Variants in RALYL observed in about 807,000 individuals in gnomAD.
RALYL encodes RNA-binding Raly-like protein.
A neutral mutation model predicts 35.1 loss-of-function variants in RALYL; 29 were observed. The ratio of observed to expected loss-of-function variants is 0.83; its 90% confidence interval spans 0.61 to 1.13. RALYL has a LOEUF of 1.13. Ranked by LOEUF, RALYL falls within the 50% of genes most tolerant of loss-of-function variation. RALYL has a pLI of 0.00. For missense variants in RALYL, 359 were observed against 360.4 expected, an observed-to-expected ratio of 1.00 and a Z score of 0.03; for synonymous variants, 120 against 127.6, an observed-to-expected ratio of 0.94 and a Z score of 0.40.
At chr8:84,651,493 C>T (rs78115696) in intron 2 of RALYL, among the ~76,000 whole-genome samples, 2,169 of 151,912 alleles carry the variant, frequency 0.014, 59 homozygotes, top group African/African-American at 0.048. Flanking sequence ...ACTTCAACCT[C>T]CAGGTTTTGG....
chr8:84,390,504 T>C (rs193232162), intron 1 of RALYL, among the ~76,000 whole-genome samples: 5 of 152,118 alleles, frequency 3.3e-5, no homozygotes, highest in Non-Finnish European at 7.4e-5. Flanking sequence ...GTATTGATTA[T>C]TGCCACAATT....
intron 2 of RALYL, among the ~76,000 whole-genome samples, chr8:84,746,092 T>C (rs1488708): frequency 0.38 from 57,022 of 151,938 alleles, 13,180 homozygotes; most frequent in South Asian, 0.57. Flanking sequence ...ACACTGGATA[T>C]CAAAATTTAA....
At chr8:84,633,523 T>C (rs1194245293) in intron 2 of RALYL, among the ~76,000 whole-genome samples, 8 of 151,896 alleles carry the variant, frequency 5.3e-5, no homozygotes, top group Non-Finnish European at 2.9e-5. Context: ...CGCATAAACA[T>C]TCCTTTTGGT....
chr8:84,702,083 G>T (rs1031220480), intron 2 of RALYL, among the ~76,000 whole-genome samples: 5 of 152,030 alleles, frequency 3.3e-5, no homozygotes, highest in Non-Finnish European at 5.9e-5. Flanking sequence ...ATAACAATAC[G>T]TACATCATAG....
At chr8:84,369,814 C>A (rs1254753053) in intron 1 of RALYL, among the ~76,000 whole-genome samples, 1 of 152,038 alleles carries the variant, frequency 6.6e-6, no homozygotes. Context: ...CTATAGCAAA[C>A]CATTAAAAAT....
intron 2 of RALYL, among the ~76,000 whole-genome samples, chr8:84,556,769 C>CT (rs558371786): frequency 3.3e-4 from 50 of 151,944 alleles, no homozygotes; most frequent in Middle Eastern, 3.4e-3. Context: ...TGTTTCTACT[C>CT]TTTTTTTTGA....
chr8:84,343,287 T>C (rs1281719592), intron 1 of RALYL, among the ~76,000 whole-genome samples: 1 of 152,104 alleles, frequency 6.6e-6, no homozygotes, highest in Non-Finnish European at 1.5e-5. Context: ...TTGCAGACCT[T>C]CAGAAATGCA....
intron 1 of RALYL, among the ~76,000 whole-genome samples, chr8:84,332,227 G>A (rs1303781430): frequency 1.3e-5 from 2 of 152,098 alleles, no homozygotes; most frequent in African/African-American, 4.8e-5. Context: ...AGTGTCATCT[G>A]ACTCTTCTTT....
At chr8:84,194,006 G>A (rs1814611940) in intron 1 of RALYL, among the ~76,000 whole-genome samples, 1 of 152,170 alleles carries the variant, frequency 6.6e-6, no homozygotes, top group Non-Finnish European at 1.5e-5. Flanking sequence ...AAAATGAATA[G>A]CAGACTCACT....
intron 2 of RALYL, among the ~76,000 whole-genome samples, chr8:84,618,382 G>T (rs1820377972): frequency 6.6e-6 from 1 of 151,634 alleles, no homozygotes; most frequent in Non-Finnish European, 1.5e-5. Flanking sequence ...TATTTGCATA[G>T]AGGTGTTTGT....
intron 3 of RALYL, among the ~76,000 whole-genome samples, chr8:84,779,628 A>C (rs1205034875): frequency 1.3e-5 from 2 of 152,242 alleles, no homozygotes; most frequent in Admixed American, 1.3e-4. Context: ...TAAGATTGTC[A>C]GAAGATAACC....
At chr8:84,215,612 G>A (rs1370649172) in intron 1 of RALYL, among the ~76,000 whole-genome samples, 1 of 150,338 alleles carries the variant, frequency 6.7e-6, no homozygotes. Context: ...TTTTCTATCT[G>A]TAGCTGCTTC....
intron 6 of RALYL, among the ~76,000 whole-genome samples, chr8:84,871,874 A>AT (rs1333088642): frequency 2.6e-5 from 4 of 152,210 alleles, no homozygotes; most frequent in African/African-American, 9.6e-5. Flanking sequence ...CATGTATATT[A>AT]TATCATTTAT....
chr8:84,417,315 G>C lies in RALYL; in HGVS notation c.-23-111984G>C, dbSNP rs117059304. 6.7e-4 allele frequency among the ~76,000 whole-genome samples: 102 copies of C among 152,176 alleles called. No individual in the cohort carries two copies. The East Asian group carries it at 0.015, about 22-fold the overall frequency. ...TGATTCTTCATGTCCTAAGACACAA[G>C]AATCTCTTGGGCAAGGTAGGATCCT... is the stretch of plus-strand genomic sequence containing the variant. On this transcript the variant is annotated intron_variant, in intron 1 of 8. Coordinates refer to ENST00000521268, the MANE Select transcript of RALYL (RefSeq NM_173848.7).
chr8:84,595,743 G>T (rs1814354519), intron 2 of RALYL, among the ~76,000 whole-genome samples: 1 of 149,484 alleles, frequency 6.7e-6, no homozygotes, highest in Admixed American at 6.7e-5. Context: ...AAATCACAGA[G>T]AGTGAAGTTA....
chr8:84,449,245 G>A (rs1402669817), intron 1 of RALYL, among the ~76,000 whole-genome samples: 1 of 151,886 alleles, frequency 6.6e-6, no homozygotes, highest in Admixed American at 6.6e-5. Flanking sequence ...ACAGGGCAGA[G>A]CAGGACTGCA....
intron 1 of RALYL, among the ~76,000 whole-genome samples, chr8:84,395,190 T>C (rs1039021796): frequency 6.6e-6 from 1 of 151,904 alleles, no homozygotes; most frequent in Non-Finnish European, 1.5e-5. Flanking sequence ...TTAAAAGTCC[T>C]TGTATACATA....
chr8:84,897,748 T>C (rs1362831419), intron 8 of RALYL, among the ~76,000 whole-genome samples: 1 of 152,176 alleles, frequency 6.6e-6, no homozygotes, highest in Admixed American at 6.5e-5. Context: ...ACCGAAAGAA[T>C]TTTTAATTAA....
chr8:84,869,230 C>G (rs1222879404), intron 6 of RALYL, among the ~76,000 whole-genome samples: 1 of 152,164 alleles, frequency 6.6e-6, no homozygotes, highest in Non-Finnish European at 1.5e-5. Flanking sequence ...AGCCTAAACT[C>G]TTACCTGTGC....
Sources: gnomAD v4.1 joint callset for allele counts (sites outside exome capture counted in the v4.1 genomes callset) on GRCh38, gnomAD v4.1.1 for gene constraint, MANE v1.5 for transcripts, NCBI Gene and HGNC (gene_info 2026-07-23, HGNC 2026-07-21) for gene names.